Variants in ADAMTSL1 observed in about 807,000 individuals in gnomAD.
ADAMTSL1 encodes the protein ADAMTS-like protein 1.
A neutral mutation model predicts 201.8 loss-of-function variants in ADAMTSL1; 126 were observed. The observed-to-expected ratio is 0.62, with a 90% confidence interval of 0.54 to 0.72. ADAMTSL1 has a LOEUF of 0.72. Among genes scored for constraint, ADAMTSL1 ranks in the 30% least tolerant of loss-of-function variants. The pLI, the probability that ADAMTSL1 is intolerant of heterozygous loss-of-function variation, is 0.00. For synonymous variants in ADAMTSL1, 1,121 were observed against 903.4 expected, an observed-to-expected ratio of 1.24 and a Z score of -4.32; for missense variants, 2,679 against 2,277.8, an observed-to-expected ratio of 1.18 and a Z score of -3.59.
chr9:18,266,332 C>G (rs1476321692), intron 2 of ADAMTSL1, among the ~76,000 whole-genome samples: 1 of 152,210 alleles, frequency 6.6e-6, no homozygotes, highest in African/African-American at 2.4e-5. Context: ...TCACAGCAGA[C>G]CAGAGCCTGG....
chr9:18,656,159 G>C (rs1398884828), intron 7 of ADAMTSL1, among the ~76,000 whole-genome samples: 1 of 151,840 alleles, frequency 6.6e-6, no homozygotes, highest in Admixed American at 6.6e-5. Flanking sequence ...AAAAACTGAT[G>C]TAGAGTTTAG....
intron 1 of ADAMTSL1, among the ~76,000 whole-genome samples, chr9:17,962,198 A>T (rs916799273): frequency 6.6e-6 from 1 of 152,096 alleles, no homozygotes; most frequent in African/African-American, 2.4e-5. Context: ...ACCCAGGCTT[A>T]CCAGCCTTAG....
At chr9:18,334,710 A>G (rs1835157614) in intron 2 of ADAMTSL1, among the ~76,000 whole-genome samples, 1 of 152,172 alleles carries the variant, frequency 6.6e-6, no homozygotes, top group Non-Finnish European at 1.5e-5. Flanking sequence ...TCTGTTATCA[A>G]TTTAGGTCAC....
At chr9:18,024,628 G>A (rs907861296) in intron 1 of ADAMTSL1, among the ~76,000 whole-genome samples, 11 of 152,040 alleles carry the variant, frequency 7.2e-5, no homozygotes, top group Admixed American at 4.6e-4. Flanking sequence ...AGTATTCCAC[G>A]GTGTATATGT....
chr9:17,921,784 G>C (rs1005596488), intron 1 of ADAMTSL1, among the ~76,000 whole-genome samples: 1 of 152,114 alleles, frequency 6.6e-6, no homozygotes, highest in Non-Finnish European at 1.5e-5. Flanking sequence ...TTAGGGAAGA[G>C]ATTCCGTGCT....
chr9:18,216,030 A>C (rs986705836), intron 2 of ADAMTSL1, among the ~76,000 whole-genome samples: 1 of 152,148 alleles, frequency 6.6e-6, no homozygotes, highest in African/African-American at 2.4e-5. Flanking sequence ...CCTCTTGTAA[A>C]ACCACCACTC....
chr9:18,364,577 A>G (rs1029923835), intron 2 of ADAMTSL1, among the ~76,000 whole-genome samples: 3 of 152,198 alleles, frequency 2.0e-5, no homozygotes, highest in Non-Finnish European at 4.4e-5. Flanking sequence ...AATAACCTAT[A>G]TAAACAGACC....
intron 7 of ADAMTSL1, among the ~76,000 whole-genome samples, chr9:18,644,264 G>GT (rs571261218): frequency 7.0e-4 from 107 of 151,872 alleles, no homozygotes; most frequent in African/African-American, 2.6e-3. Flanking sequence ...AGTTCTAAAA[G>GT]TTTTTTGGTG....
intron 2 of ADAMTSL1, among the ~76,000 whole-genome samples, chr9:18,181,596 C>T (rs1201120165): frequency 2.1e-4 from 32 of 152,306 alleles, no homozygotes; most frequent in Non-Finnish European, 2.2e-4. Flanking sequence ...GATACCATCT[C>T]ACACCATTTA....
intron 1 of ADAMTSL1, among the ~76,000 whole-genome samples, chr9:17,926,257 T>C (rs1563899404): frequency 6.6e-6 from 1 of 152,186 alleles, no homozygotes; most frequent in Admixed American, 6.5e-5. Flanking sequence ...TATTTATTGG[T>C]ATAAGATGAA....
intron 2 of ADAMTSL1, among the ~76,000 whole-genome samples, chr9:18,418,530 G>T (rs7026464): frequency 0.029 from 4,467 of 152,210 alleles, 206 homozygotes; most frequent in African/African-American, 0.095. Flanking sequence ...CAGGATACAA[G>T]ATGATTGGAC....
At chr9:18,572,882 C>A (rs561425383) in intron 3 of ADAMTSL1, among the ~76,000 whole-genome samples, 1 of 152,260 alleles carries the variant, frequency 6.6e-6, no homozygotes, top group Non-Finnish European at 1.5e-5. Flanking sequence ...GAATAAAAGC[C>A]TTTCTACAGC....
At chr9:17,940,721 A>G (rs1423867996) in intron 1 of ADAMTSL1, among the ~76,000 whole-genome samples, 4 of 139,776 alleles carry the variant, frequency 2.9e-5, no homozygotes, top group Non-Finnish European at 6.3e-5. Flanking sequence ...GCAAAAAAAA[A>G]AAAAAAGAAA....
chr9:18,280,750 C>T (rs1832753184), intron 2 of ADAMTSL1, among the ~76,000 whole-genome samples: 2 of 151,918 alleles, frequency 1.3e-5, no homozygotes, highest in Admixed American at 1.3e-4. Flanking sequence ...AACCTTGTAC[C>T]CTATGATTTT....
At chr9:17,962,828 A>C (rs1243079493) in intron 1 of ADAMTSL1, among the ~76,000 whole-genome samples, 3 of 152,242 alleles carry the variant, frequency 2.0e-5, no homozygotes, top group African/African-American at 4.8e-5. Flanking sequence ...CACAGCGTGC[A>C]GTTATTTCAT....
chr9:18,080,488 C>G (rs1587000379), intron 1 of ADAMTSL1, among the ~76,000 whole-genome samples: 1 of 152,256 alleles, frequency 6.6e-6, no homozygotes, highest in East Asian at 1.9e-4. Context: ...GGTACTTGTG[C>G]TAGAAAGGGT....
At chr9:17,956,024 C>G (rs1428717413) in intron 1 of ADAMTSL1, among the ~76,000 whole-genome samples, 1 of 152,264 alleles carries the variant, frequency 6.6e-6, no homozygotes, top group African/African-American at 2.4e-5. Context: ...AAATTATTCA[C>G]CTAAGTTCTT....
chr9:18,319,310 G>A (rs889725587), intron 2 of ADAMTSL1, among the ~76,000 whole-genome samples: 14 of 152,146 alleles, frequency 9.2e-5, no homozygotes, highest in Admixed American at 5.9e-4. Context: ...ATGTGGAAAT[G>A]TCTCTTTCAA....
intron 1 of ADAMTSL1, among the ~76,000 whole-genome samples, chr9:18,040,077 A>G (rs1821369751): frequency 6.6e-6 from 1 of 152,168 alleles, no homozygotes; most frequent in Non-Finnish European, 1.5e-5. Flanking sequence ...ATTCAGCATT[A>G]TTTTATTTTT....
Sources: gnomAD v4.1 joint callset for allele counts (sites outside exome capture counted in the v4.1 genomes callset) on GRCh38, gnomAD v4.1.1 for gene constraint, MANE v1.5 for transcripts, NCBI Gene and HGNC (gene_info 2026-07-23, HGNC 2026-07-21) for gene names.